EIF2D: variants seen among roughly 807,000 people sequenced by gnomAD.
EIF2D encodes eukaryotic translation initiation factor 2D.
EIF2D carries 56 observed loss-of-function variants against 77.4 expected under a neutral mutation model. The ratio of observed to expected loss-of-function variants is 0.72; its 90% CI spans 0.58 to 0.90. The LOEUF (loss-of-function observed/expected upper bound fraction) is 0.90. Ranked by LOEUF, EIF2D falls within the 40% of genes least tolerant of loss-of-function variation. The pLI is 0.00. For missense variants in EIF2D, 574 were observed against 706.5 expected, an observed-to-expected ratio of 0.81 and a Z score of 2.13; for synonymous variants, 230 against 271.0, an observed-to-expected ratio of 0.85 and a Z score of 1.49.
At chr1:206,594,483 C>A (rs1194179955) in intron 13 of EIF2D, 11 of 152,260 alleles carry the variant, frequency 7.2e-5, no homozygotes, top group South Asian at 4.1e-4. Flanking sequence ...AAAACAAATT[C>A]TTTCTCATTC....
chr1:206,571,032 T>C (rs1668434464), downstream of EIF2D, among the ~76,000 whole-genome samples: 3 of 152,222 alleles, frequency 2.0e-5, no homozygotes, highest in African/African-American at 7.2e-5. Context: ...GTGACTGCAT[T>C]ATTTTACAAT....
At chr1:206,596,292 T>C (rs1169249121) in intron 12 of EIF2D, among the ~76,000 whole-genome samples, 1 of 152,218 alleles carries the variant, frequency 6.6e-6, no homozygotes, top group Admixed American at 6.5e-5. Flanking sequence ...TAACCAAGTT[T>C]TCTCTTGCTA....
At chr1:206,605,802 G>A (rs1343099878) in intron 4 of EIF2D, among the ~76,000 whole-genome samples, 1 of 152,042 alleles carries the variant, frequency 6.6e-6, no homozygotes. Context: ...TCTCCAGGTG[G>A]GTCTTGGAAG....
downstream of EIF2D, chr1:206,586,903 A>G: frequency 1.9e-6 from 3 of 1,614,228 alleles, no homozygotes; most frequent in East Asian, 2.2e-5. Context: ...AAATCCAACA[A>G]GTGCAAAAGA....
At position 206,592,669 on chromosome 1, in the gene EIF2D, T is replaced by C. The variant is rs530846238; in HGVS notation, c.1685-824A>G. On this transcript the variant is annotated intron_variant, in intron 14 of 14. Transcript: ENST00000271764. The surrounding 1 kb of genome is among the most constrained non-coding windows in gnomAD (Gnocchi z 4.7). ...AGCTTAGGAGTTAATTCTGAAGGCA[T>C]TGAAGAGGCATACAAAGTTTTTTAG... Among the ~76,000 whole-genome samples the C allele has an allele frequency of 3.7e-4, 57 of 152,310 alleles. 1 individual carries two copies. The highest frequency in any genetic ancestry group is 1.3e-3 in the African/African-American group (55 of 41,572).
chr1:206,580,458 G>A (rs984260363), intron 4 of EIF2D, among the ~76,000 whole-genome samples: 9 of 152,144 alleles, frequency 5.9e-5, no homozygotes, highest in African/African-American at 1.4e-4. Flanking sequence ...ACCAGACAAC[G>A]GGGTCTTTCT....
downstream of EIF2D, among the ~76,000 whole-genome samples, chr1:206,591,475 G>A (rs1026658724): frequency 2.6e-5 from 4 of 152,070 alleles, no homozygotes; most frequent in African/African-American, 4.8e-5. Context: ...CCACCTGTCC[G>A]AACTCTGAAT....
chr1:206,575,169 C>T (rs1246480471), intron 4 of EIF2D, among the ~76,000 whole-genome samples: 1 of 152,114 alleles, frequency 6.6e-6, no homozygotes, highest in Non-Finnish European at 1.5e-5. Flanking sequence ...GTGTCTGCCC[C>T]TTGCCTGCAG....
chr1:206,576,026 C>T (rs1553405135), intron 4 of EIF2D, among the ~76,000 whole-genome samples: 1 of 152,212 alleles, frequency 6.6e-6, no homozygotes, highest in Non-Finnish European at 1.5e-5. Flanking sequence ...TATCTGACAC[C>T]TACTTAAAGT....
rs11580681 is a variant in EIF2D at position 206,584,898 on chromosome 1, C to T, written c.139-3736G>A. The T allele has an allele frequency of 1.7e-6, 1 of 605,556 alleles. No homozygotes were observed. The highest frequency in any genetic ancestry group is 2.0e-5 in the South Asian group (1 of 50,016). The allele number at this position is 605,556 out of a possible 1,614,324, so 37.5% of individuals were successfully genotyped here. A position where few individuals can be genotyped will look rare whatever the true frequency, so the allele number is the denominator to read the frequency against. ...CATGTGACTTCAGGAAAACCACACCCTAGGCTCCCATTTCCTGATCTGTGC... is the reference window on the plus strand; with the variant it reads ...CATGTGACTTCAGGAAAACCACACCTTAGGCTCCCATTTCCTGATCTGTGC... On this transcript the variant is annotated intron_variant and NMD_transcript_variant, in intron 2 of 5. Coordinates refer to the EIF2D transcript ENST00000472709. The surrounding 1 kb of genome is among the most constrained non-coding windows in gnomAD (Gnocchi z 4.9).
intron 4 of EIF2D, among the ~76,000 whole-genome samples, chr1:206,607,489 T>C (rs1376101395): frequency 6.6e-6 from 1 of 152,224 alleles, no homozygotes; most frequent in Non-Finnish European, 1.5e-5. Flanking sequence ...CTAGACGTAG[T>C]GGCTCATGCC....
At chr1:206,589,913 T>C (rs906744626), downstream of EIF2D, among the ~76,000 whole-genome samples, 1 of 152,224 alleles carries the variant, frequency 6.6e-6, no homozygotes, top group Non-Finnish European at 1.5e-5. Flanking sequence ...TGCCCAAGAA[T>C]GGGGCACATC....
intron 2 of EIF2D, chr1:206,585,124 TG>T: frequency 7.3e-7 from 1 of 1,362,418 alleles, no homozygotes. Context: ...CCCGCAAGCC[TG>T]GGCCCCGCCC....
At position 206,599,043 on chromosome 1, in the gene EIF2D, A is replaced by C; in HGVS notation, c.1252T>G (p.Tyr418Asp). Residue 418 changes from tyrosine to aspartate, a missense_variant, in exon 11 of 15, where the codon TAC (tyrosine) becomes GAC (aspartate). Transcript: ENST00000271764. This position sits in a 1 kb window ranked among gnomAD's most constrained non-coding sequence, Gnocchi z 4.1. ...GSEVRTIVIN[Y>D]AKKNDLVDAD... ...TCAACCAGGTCATTTTTCTTGGCGT[A>C]GTTAATGACGATCGTTCGGACCTCA... is the stretch of plus-strand genomic sequence containing the variant. 6.2e-7 allele frequency: 1 copy of C among 1,614,176 alleles called. No individual in the cohort carries two copies. Among genetic ancestry groups the C allele is most frequent in the South Asian group, 1.1e-5 (1 of 91,086 alleles).
At chr1:206,608,057 C>T (rs1670283584) in intron 4 of EIF2D, among the ~76,000 whole-genome samples, 179 bp downstream of exon 4, 1 of 152,186 alleles carries the variant, frequency 6.6e-6, no homozygotes, top group Non-Finnish European at 1.5e-5. Flanking sequence ...ATACACTCTG[C>T]CCAGGCACAT....
chr1:206,609,477 C>T lies in EIF2D; in HGVS notation c.248-18G>A. 2 of 1,601,544 alleles carry T rather than the reference C, an allele frequency of 1.2e-6. No individual in the cohort carries two copies. The highest frequency in any genetic ancestry group is 2.2e-5 in the East Asian group (1 of 44,818). On this transcript the variant is annotated intron_variant, in intron 2 of 14. Coordinates refer to ENST00000271764, the MANE Select transcript of EIF2D (RefSeq NM_006893.3). ...CGTGTACACTGTACAAAAAGAGATC[C>T]AGAAAACACTACTACCAAAAAGCCA... is the stretch of plus-strand genomic sequence containing the variant.
intron 4 of EIF2D, among the ~76,000 whole-genome samples, chr1:206,573,420 C>G (rs2103555318): frequency 6.6e-6 from 1 of 152,296 alleles, no homozygotes; most frequent in Non-Finnish European, 1.5e-5. Context: ...TACTGAATCT[C>G]TGCTATGTGT....
Position 206,572,420 on chromosome 1 carries a change from A to G in EIF2D, c.*359+175T>C, listed in dbSNP as rs890974304. 2.6e-5 allele frequency among the ~76,000 whole-genome samples: 4 copies of G among 152,336 alleles called. No homozygotes were observed. The East Asian group carries it at 7.7e-4, about 29-fold the overall frequency. ...ATTGAGTACATGGGCACAGCTTTAC[A>G]GAAGAGCACATGGTGCCCCTGGGAT... On this transcript the variant is annotated intron_variant and NMD_transcript_variant, in intron 5 of 5. Transcript: ENST00000472709.
intron 4 of EIF2D, among the ~76,000 whole-genome samples, chr1:206,580,131 C>T (rs989186774): frequency 7.2e-5 from 11 of 152,146 alleles, no homozygotes; most frequent in Non-Finnish European, 1.2e-4. Flanking sequence ...CGTCACTTCC[C>T]CGCGTTTGTG....
Sources: allele counts gnomAD v4.1 joint callset (sites outside exome capture counted in the v4.1 genomes callset), GRCh38; gene constraint gnomAD v4.1.1; non-coding constraint Gnocchi (gnomAD v3.1); transcripts MANE v1.5; gene names NCBI Gene and HGNC (gene_info 2026-07-23, HGNC 2026-07-21).